BPIFA3: variants seen among roughly 807,000 people sequenced by gnomAD.
BPIFA3 encodes BPI fold containing family A member 3, also known as BPI fold-containing family A member 3.
Under a neutral mutation model 29.7 loss-of-function variants are expected in BPIFA3, and 32 were observed. The observed-to-expected ratio is 1.08, with a 90% confidence interval of 0.81 to 1.45. BPIFA3 has a LOEUF of 1.45. BPIFA3 is among the 40% of genes most tolerant of loss of function. The probability of loss-of-function intolerance (pLI) is 0.00; values close to 1 mark genes in which losing one functional copy is unlikely to be tolerated. For missense variants in BPIFA3, 323 were observed against 311.3 expected, an observed-to-expected ratio of 1.04 and a Z score of -0.28; for synonymous variants, 112 against 113.7, an observed-to-expected ratio of 0.98 and a Z score of 0.10.
rs1299658263 is a variant in BPIFA3, at chr20:33,217,450, A to G, written c.-87A>G. On this transcript the variant is annotated 5_prime_UTR_variant, in exon 1 of 7. Transcript: ENST00000375454. ...TGATGTCATCTTTCTGCAGAAAACC[A>G]TTAGACCATCCCTCCAGACTGCCAC... 2 of 1,513,358 alleles carry G rather than the reference A, an allele frequency of 1.3e-6. No homozygotes were observed. The highest frequency in any genetic ancestry group is 2.3e-5 in the East Asian group (1 of 43,286). 93.7% of individuals were successfully genotyped at this position (1,513,358 alleles called of 1,614,324 possible).
intron 5 of BPIFA3, 133 bp downstream of exon 5, chr20:33,226,623 G>C (rs1032437329): frequency 1.3e-6 from 1 of 749,910 alleles, no homozygotes; most frequent in Non-Finnish European, 2.2e-6. Context: ...TAAAATTTCA[G>C]TTTGGCCATG....
rs1280619400 is a variant in BPIFA3, at chr20:33,226,436, C to T, written c.567C>T (p.Leu189=). Residue 189 remains leucine (L), a synonymous_variant, in exon 5 of 7, where the codon CTC becomes CTT. Coordinates refer to ENST00000375454, the MANE Select transcript of BPIFA3 (RefSeq NM_178466.5). ...TCCCACCAAAGATGAATCAGTTTCT[C>T]TACAACCTCAAAGAGAATCTGCAAA... ...EAIPPKMNQF[L]YNLKENLQKV... is the part of the protein sequence containing the mutation. The T allele has an allele frequency of 3.1e-6, 5 of 1,613,000 alleles. No homozygotes were observed. The Admixed American group carries it at 5.0e-5, about 16-fold the overall frequency.
At chr20:33,225,948 C>T (rs753254640) in intron 4 of BPIFA3, 1 of 169,842 alleles carries the variant, frequency 5.9e-6, no homozygotes, top group African/African-American at 2.4e-5. Flanking sequence ...GAACAAGACA[C>T]AAAATACAGC....
chr20:33,222,635 AATGGATGG>A (rs34210730), intron 1 of BPIFA3, among the ~76,000 whole-genome samples: 12 of 104,316 alleles, frequency 1.2e-4, no homozygotes, highest in African/African-American at 2.2e-4. Flanking sequence ...TGAGCGGATG[AATGGATGG>A]ATGGATGGAT....
intron 4 of BPIFA3, 117 bp downstream of exon 4, chr20:33,225,364 G>A (rs1289012193): frequency 3.3e-5 from 47 of 1,430,600 alleles, no homozygotes; most frequent in South Asian, 2.4e-4. Context: ...TCCTTCCCCC[G>A]GGATCTGCTC....
chr20:33,217,399 C>T lies in BPIFA3; in HGVS notation c.-138C>T, dbSNP rs1279493521. The T allele has an allele frequency of 1.7e-6, 2 of 1,142,892 alleles. No individual in the cohort carries two copies. Among genetic ancestry groups the T allele is most frequent in the Non-Finnish European group, 1.2e-6 (1 of 826,522 alleles). The allele number at this position is 1,142,892 out of a possible 1,614,324, so 70.8% of individuals were successfully genotyped here. On this transcript the variant is annotated 5_prime_UTR_variant, in exon 1 of 7. Coordinates refer to ENST00000375454, the MANE Select transcript of BPIFA3 (RefSeq NM_178466.5). ...AGCGCCAGGGTCCAGTGCAGCCCCT[C>T]CCCACAGCATGCTGGGGGCTAATTC...
Position 33,225,183 on chromosome 20 carries a change from AG to A in BPIFA3, c.475del (p.Asp159IlefsTer3), listed in dbSNP as rs754522337. 1.9e-6 allele frequency: 3 copies of A among 1,613,992 alleles called. No homozygotes were observed. Among genetic ancestry groups the A allele is most frequent in the Non-Finnish European group, 2.5e-6 (3 of 1,180,020 alleles). ...GCTGGAGAAAGACGAGTTTGGCCGGAGGGATCTGGTGATAGGCAAATGCGAT... is the reference window on the plus strand; with the variant it reads ...GCTGGAGAAAGACGAGTTTGGCCGGAGGATCTGGTGATAGGCAAATGCGAT... The part of the protein sequence containing the change: ...FWLEKDEFGR[R>X]DLVIGKCDAE... On this transcript the variant is annotated frameshift_variant, in exon 4 of 7. Transcript: ENST00000375454. LOFTEE classifies it high-confidence loss of function.
At chr20:33,218,870 G>C (rs1216027117) in intron 1 of BPIFA3, among the ~76,000 whole-genome samples, 1 of 152,002 alleles carries the variant, frequency 6.6e-6, no homozygotes, top group Non-Finnish European at 1.5e-5. Context: ...TATCTGGTGA[G>C]TGGGAAGTTT....
At chr20:33,224,491 G>T (rs773138659) in intron 3 of BPIFA3, 29 bp downstream of exon 3, 2 of 1,545,944 alleles carry the variant, frequency 1.3e-6, no homozygotes, top group Non-Finnish European at 8.9e-7. Flanking sequence ...GAATCTGAGA[G>T]GTGCTGGCCC....
chr20:33,218,636 A>G (rs563582318), intron 1 of BPIFA3, among the ~76,000 whole-genome samples: 25 of 152,308 alleles, frequency 1.6e-4, no homozygotes, highest in African/African-American at 5.8e-4. Context: ...CATGCAGAGA[A>G]AGAGATCTGT....
At chr20:33,225,324 G>T in intron 4 of BPIFA3, 77 bp downstream of exon 4, 1 of 1,592,702 alleles carries the variant, frequency 6.3e-7, no homozygotes, top group Non-Finnish European at 8.6e-7. Context: ...CTTCCTGACC[G>T]TCTCCTAAAT....
intron 1 of BPIFA3, among the ~76,000 whole-genome samples, chr20:33,219,704 T>C (rs1985421298): frequency 6.6e-6 from 1 of 152,234 alleles, no homozygotes; most frequent in African/African-American, 2.4e-5. Flanking sequence ...TGTACATCTG[T>C]TTTACACCAA....
rs533955269 is a variant in BPIFA3, at chr20:33,226,505, A to G, written c.621+15A>G. On this transcript the variant is annotated intron_variant, in intron 5 of 6. Coordinates refer to ENST00000375454, the MANE Select transcript of BPIFA3 (RefSeq NM_178466.5). ...TAGAAAGTCAGGTAAGTTTAGAAAAAACTTTGCATCTTGAGCATCCTTGAG... is the reference window on the plus strand; with the variant it reads ...TAGAAAGTCAGGTAAGTTTAGAAAAGACTTTGCATCTTGAGCATCCTTGAG... The G allele has an allele frequency of 3.4e-5, 54 of 1,572,152 alleles. No individual in the cohort carries two copies. The East Asian group carries it at 1.2e-3, about 35-fold the overall frequency.
chr20:33,217,456 C>A lies in BPIFA3; in HGVS notation c.-81C>A. Reference sequence around the variant, plus strand: ...CATCTTTCTGCAGAAAACCATTAGACCATCCCTCCAGACTGCCACCCTCAA... The same window carrying A: ...CATCTTTCTGCAGAAAACCATTAGAACATCCCTCCAGACTGCCACCCTCAA... On this transcript the variant is annotated 5_prime_UTR_variant, in exon 1 of 7. Coordinates refer to ENST00000375454, the MANE Select transcript of BPIFA3 (RefSeq NM_178466.5). 1.3e-6 allele frequency: 2 copies of A among 1,523,834 alleles called. No individual in the cohort carries two copies. The highest frequency in any genetic ancestry group is 8.9e-7 in the Non-Finnish European group (1 of 1,129,052). The allele number at this position is 1,523,834 out of a possible 1,614,324, so 94.4% of individuals were successfully genotyped here. A position where few individuals can be genotyped will look rare whatever the true frequency, so the allele number is the denominator to read the frequency against.
intron 3 of BPIFA3, 60 bp from the exon 4 acceptor site, chr20:33,225,038 T>C (rs1985709722): frequency 1.3e-6 from 2 of 1,535,548 alleles, no homozygotes; most frequent in South Asian, 2.3e-5. Flanking sequence ...AATACGGAGA[T>C]TTCTACTCTT....
chr20:33,227,372 G>A (rs1985832327), intron 6 of BPIFA3, among the ~76,000 whole-genome samples, 166 bp from the exon 7 acceptor site: 1 of 152,228 alleles, frequency 6.6e-6, no homozygotes, highest in Non-Finnish European at 1.5e-5. Context: ...GACTAGTGAA[G>A]TGAAGACACC....
intron 1 of BPIFA3, among the ~76,000 whole-genome samples, chr20:33,222,528 A>T (rs1985559115): frequency 6.6e-6 from 1 of 151,890 alleles, no homozygotes; most frequent in African/African-American, 2.4e-5. Flanking sequence ...GAATGAATAA[A>T]TGGATAAATG....
At chr20:33,218,649 C>A (rs1985371310) in intron 1 of BPIFA3, among the ~76,000 whole-genome samples, 1 of 152,134 alleles carries the variant, frequency 6.6e-6, no homozygotes, top group Non-Finnish European at 1.5e-5. Context: ...AGATCTGTTT[C>A]TTCTTATAAG....
chr20:33,221,659 ATCT>A (rs1188974073), intron 1 of BPIFA3, among the ~76,000 whole-genome samples: 1 of 152,230 alleles, frequency 6.6e-6, no homozygotes, highest in African/African-American at 2.4e-5. Flanking sequence ...TCTGCATAAA[ATCT>A]TCTAGATCAA....
Sources: gnomAD v4.1 joint callset for allele counts (sites outside exome capture counted in the v4.1 genomes callset) on GRCh38, gnomAD v4.1.1 for gene constraint, MANE v1.5 for transcripts, NCBI Gene and HGNC (gene_info 2026-07-23, HGNC 2026-07-21) for gene names.